Variants in CHRM3 observed in about 807,000 individuals in gnomAD.
CHRM3 encodes the protein muscarinic acetylcholine receptor M3.
In CHRM3, 11 loss-of-function variants were observed where a neutral mutation model predicts 41.8. That is an observed-to-expected ratio of 0.26 (90% confidence interval 0.17 to 0.44). The LOEUF is 0.44. Among genes scored for constraint, CHRM3 ranks in the 20% least tolerant of loss-of-function variants. The pLI is 1.00. For synonymous variants in CHRM3, 297 were observed against 301.4 expected (o/e 0.99, Z 0.15); for missense variants, 571 against 745.4 (o/e 0.77, Z 2.72).
intron 6 of CHRM3, among the ~76,000 whole-genome samples, chr1:239,849,655 G>A (rs1024566992): frequency 2.6e-5 from 4 of 152,144 alleles, no homozygotes; most frequent in Non-Finnish European, 5.9e-5. Flanking sequence ...TTTTGAAGCA[G>A]GGTGATCTTG....
chr1:239,735,234 A>C (rs1196879392), intron 5 of CHRM3, among the ~76,000 whole-genome samples: 2 of 152,144 alleles, frequency 1.3e-5, no homozygotes, highest in African/African-American at 2.4e-5. Context: ...AGCAAAAGTC[A>C]AATAGTTTCT....
chr1:239,509,394 G>A (rs552754493), intron 2 of CHRM3, among the ~76,000 whole-genome samples: 31 of 152,174 alleles, frequency 2.0e-4, no homozygotes, highest in African/African-American at 7.5e-4. Context: ...TTTATATAAA[G>A]AGGAAATTAA....
At chr1:239,633,283 C>T (rs919310917) in intron 4 of CHRM3, among the ~76,000 whole-genome samples, 1 of 152,152 alleles carries the variant, frequency 6.6e-6, no homozygotes, top group Admixed American at 6.5e-5. Context: ...GCATGACTTA[C>T]ATAGCGGCAG....
At chr1:239,412,357 C>T (rs552244167) in intron 1 of CHRM3, among the ~76,000 whole-genome samples, 54 of 1,426 alleles carry the variant, frequency 0.038, no homozygotes, top group Non-Finnish European at 0.077. Flanking sequence ...TCTTTTCCTC[C>T]AGGAGTCATC....
chr1:239,452,842 C>G (rs1478891180), intron 1 of CHRM3, among the ~76,000 whole-genome samples: 2 of 151,926 alleles, frequency 1.3e-5, no homozygotes, highest in Non-Finnish European at 2.9e-5. Context: ...ACTCTGTCAC[C>G]CAGGCTGGAG....
At chr1:239,451,148 C>A (rs192436423) in intron 1 of CHRM3, among the ~76,000 whole-genome samples, 1 of 152,008 alleles carries the variant, frequency 6.6e-6, no homozygotes, top group Non-Finnish European at 1.5e-5. Flanking sequence ...TGCTTGAGCC[C>A]GGGGGTTGGA....
intron 5 of CHRM3, among the ~76,000 whole-genome samples, chr1:239,756,360 A>G (rs1410950559): frequency 6.6e-6 from 1 of 152,224 alleles, no homozygotes; most frequent in African/African-American, 2.4e-5. Context: ...TACCAAAATG[A>G]AACATATCTG....
chr1:239,644,712 T>C (rs1671584997), intron 4 of CHRM3, among the ~76,000 whole-genome samples: 1 of 152,158 alleles, frequency 6.6e-6, no homozygotes, highest in African/African-American at 2.4e-5. Flanking sequence ...CTCATGTGCA[T>C]ACAATCACCA....
intron 1 of CHRM3, among the ~76,000 whole-genome samples, chr1:239,402,873 C>T (rs1660094885): frequency 6.6e-6 from 1 of 152,208 alleles, no homozygotes; most frequent in Non-Finnish European, 1.5e-5. Context: ...AGTGCCTACG[C>T]ATCACTTCAT....
intron 4 of CHRM3, among the ~76,000 whole-genome samples, chr1:239,672,030 C>T (rs951740374): frequency 6.6e-5 from 10 of 152,078 alleles, no homozygotes; most frequent in African/African-American, 2.4e-4. Context: ...AATTTTATCC[C>T]AGAGAATGAA....
intron 6 of CHRM3, among the ~76,000 whole-genome samples, chr1:239,895,511 A>G (rs948218718): frequency 3.9e-5 from 6 of 152,170 alleles, no homozygotes; most frequent in Admixed American, 2.6e-4. Flanking sequence ...AGACACATAC[A>G]TGCATATGTT....
intron 6 of CHRM3, among the ~76,000 whole-genome samples, chr1:239,898,965 A>G (rs916919561): frequency 2.6e-5 from 4 of 152,208 alleles, no homozygotes; most frequent in African/African-American, 9.7e-5. Context: ...TCCTAAATTC[A>G]GTACTGTCAA....
chr1:239,532,904 T>C (rs1375507433), intron 2 of CHRM3, among the ~76,000 whole-genome samples: 2 of 152,178 alleles, frequency 1.3e-5, no homozygotes, highest in African/African-American at 4.8e-5. Context: ...ACTAATTCAT[T>C]AGTTGCAATA....
rs553095315 is a variant in CHRM3, at chr1:239,445,144, T to C, written c.-520-47565T>C. ...TGAACCATGCACATGTGGAATACTT[T>C]GTTGTCTTCCAAATTGTGTCTAACT... is the stretch of plus-strand genomic sequence containing the variant. On this transcript the variant is annotated intron_variant, in intron 1 of 6. Transcript: ENST00000676153. Among the ~76,000 whole-genome samples the C allele has an allele frequency of 2.0e-5, 3 of 152,328 alleles. No homozygotes were observed. The South Asian group carries it at 6.2e-4, about 32-fold the overall frequency.
intron 4 of CHRM3, among the ~76,000 whole-genome samples, chr1:239,640,721 TG>T: frequency 6.6e-6 from 1 of 150,952 alleles, no homozygotes; most frequent in Admixed American, 6.6e-5. Context: ...AACCAGCTCC[TG>T]GATTCATTAA....
chr1:239,838,654 G>A (rs1452521746), intron 6 of CHRM3, among the ~76,000 whole-genome samples: 2 of 152,146 alleles, frequency 1.3e-5, no homozygotes, highest in African/African-American at 4.8e-5. Context: ...CACAAAGCTG[G>A]TTAGTGATAA....
chr1:239,495,414 G>T (rs982338827), intron 2 of CHRM3, among the ~76,000 whole-genome samples: 1 of 152,160 alleles, frequency 6.6e-6, no homozygotes, highest in Non-Finnish European at 1.5e-5. Context: ...TTAGCCTACA[G>T]TCCTTCTCTC....
intron 6 of CHRM3, among the ~76,000 whole-genome samples, chr1:239,827,774 A>T (rs1309691339): frequency 6.6e-6 from 1 of 152,220 alleles, no homozygotes; most frequent in Non-Finnish European, 1.5e-5. Context: ...AATTCAACAT[A>T]GTTGCCACCT....
intron 3 of CHRM3, 110 bp downstream of exon 3, chr1:239,545,859 G>A (rs556827456): frequency 3.9e-5 from 6 of 152,076 alleles, no homozygotes; most frequent in East Asian, 1.9e-4. Flanking sequence ...TAGTGTCGCC[G>A]GTATGAAATA....
Sources: gnomAD v4.1 joint callset for allele counts (sites outside exome capture counted in the v4.1 genomes callset) on GRCh38, gnomAD v4.1.1 for gene constraint, MANE v1.5 for transcripts, NCBI Gene and HGNC (gene_info 2026-07-23, HGNC 2026-07-21) for gene names.